The following EBF3 variants were observed in gnomAD, a reference collection of about 807,000 sequenced individuals.
EBF3 encodes the protein EBF transcription factor 3.
In EBF3, 18 loss-of-function variants were observed where a neutral mutation model predicts 77.1. That is an observed-to-expected ratio of 0.23 (90% confidence interval 0.16 to 0.35). The LOEUF (loss-of-function observed/expected upper bound fraction) is 0.35. EBF3 is among the 10% of genes least tolerant of loss of function. The pLI, the probability that EBF3 is intolerant of heterozygous loss-of-function variation, is 1.00. For synonymous variants in EBF3, 350 were observed against 343.5 expected, an observed-to-expected ratio of 1.02 and a Z score of -0.21; for missense variants, 558 against 860.0, an observed-to-expected ratio of 0.65 and a Z score of 4.39.
chr10:129,958,636 CT>C (rs1859220746), intron 5 of EBF3, among the ~76,000 whole-genome samples: 1 of 152,210 alleles, frequency 6.6e-6, no homozygotes, highest in South Asian at 2.1e-4. Context: ...TCCCTGACTC[CT>C]CCGGCACCGC....
At chr10:129,867,107 C>A in intron 10 of EBF3, 34 bp downstream of exon 10, 1 of 1,603,722 alleles carries the variant, frequency 6.2e-7, no homozygotes, top group South Asian at 1.1e-5. Flanking sequence ...AGGCCTCTAC[C>A]GCTTTCCCGC....
intron 10 of EBF3, among the ~76,000 whole-genome samples, chr10:129,865,497 G>A (rs1336326087): frequency 6.6e-6 from 1 of 152,164 alleles, no homozygotes; most frequent in Non-Finnish European, 1.5e-5. Context: ...CAGCTCCTGA[G>A]CGCCTGGTCC....
chr10:129,881,371 T>C (rs193095744), intron 6 of EBF3, among the ~76,000 whole-genome samples: 1 of 152,298 alleles, frequency 6.6e-6, no homozygotes, highest in East Asian at 1.9e-4. Flanking sequence ...TAAAGAGTCA[T>C]CATCTTTCAC....
At chr10:129,846,140 G>C (rs1008870881) in intron 11 of EBF3, among the ~76,000 whole-genome samples, 1 of 136,098 alleles carries the variant, frequency 7.3e-6, no homozygotes, top group African/African-American at 3.0e-5. Flanking sequence ...GTGTGTGTGT[G>C]TGTGTGTAAA....
intron 6 of EBF3, among the ~76,000 whole-genome samples, chr10:129,880,730 G>A (rs1853146416): frequency 6.6e-6 from 1 of 152,306 alleles, no homozygotes; most frequent in East Asian, 1.9e-4. Flanking sequence ...CAGGTTCTTG[G>A]GGCATCTACA....
intron 6 of EBF3, among the ~76,000 whole-genome samples, chr10:129,933,672 C>T (rs1262024181): frequency 1.3e-5 from 2 of 152,206 alleles, no homozygotes; most frequent in Non-Finnish European, 2.9e-5. Context: ...AGGCCCCATA[C>T]CAACCTTCAC....
At chr10:129,949,232 C>T (rs1315889972) in intron 6 of EBF3, among the ~76,000 whole-genome samples, 7 of 152,138 alleles carry the variant, frequency 4.6e-5, no homozygotes, top group East Asian at 1.9e-4. Flanking sequence ...ACCCGGGAAG[C>T]GGAGGTTGCG....
chr10:129,907,531 A>C (rs1430582237), intron 6 of EBF3, among the ~76,000 whole-genome samples: 1 of 152,194 alleles, frequency 6.6e-6, no homozygotes, highest in Non-Finnish European at 1.5e-5. Flanking sequence ...CTCAGAAGGA[A>C]ATGTGAGGTG....
intron 6 of EBF3, among the ~76,000 whole-genome samples, chr10:129,883,029 A>T (rs1853316892): frequency 6.6e-6 from 1 of 152,224 alleles, no homozygotes; most frequent in African/African-American, 2.4e-5. Context: ...GGAAACTTTG[A>T]ACTGTTCTAA....
intron 6 of EBF3, among the ~76,000 whole-genome samples, chr10:129,933,130 A>C (rs181416357): frequency 1.5e-4 from 23 of 152,286 alleles, no homozygotes; most frequent in African/African-American, 5.5e-4. Context: ...GACGTGGAGG[A>C]GGGTCAGTCC....
chr10:129,927,210 C>T (rs1312723775), intron 6 of EBF3, among the ~76,000 whole-genome samples: 1 of 152,216 alleles, frequency 6.6e-6, no homozygotes, highest in African/African-American at 2.4e-5. Flanking sequence ...CTCAGCTGCA[C>T]AAACCAGCAC....
chr10:129,888,827 C>T (rs901025882), intron 6 of EBF3, among the ~76,000 whole-genome samples: 1 of 152,046 alleles, frequency 6.6e-6, no homozygotes, highest in African/African-American at 2.4e-5. Flanking sequence ...ATTAAGTATG[C>T]AAGAGAAAAT....
At chr10:129,871,512 G>A (rs1266971971) in intron 8 of EBF3, among the ~76,000 whole-genome samples, 2 of 152,148 alleles carry the variant, frequency 1.3e-5, no homozygotes. Flanking sequence ...CAGATCTGCG[G>A]TTTTGGGGGG....
Position 129,861,569 on chromosome 10 carries a change from G to A in EBF3, c.1039+5572C>T, listed in dbSNP as rs1851641209. Among the ~76,000 whole-genome samples, 1 of 148,650 alleles carries A rather than the reference G, an allele frequency of 6.7e-6. No homozygotes were observed. Among genetic ancestry groups the A allele is most frequent in the African/African-American group, 2.5e-5 (1 of 40,618 alleles). On this transcript the variant is annotated intron_variant, in intron 10 of 16. Transcript: ENST00000440978. The surrounding 1 kb of genome is among the most constrained non-coding windows in gnomAD (Gnocchi z 4.3). Reference sequence around the variant, plus strand: ...CTTGGGGGGTTCACTGGGGATCATGGGGGGGACACAGACATCCTTGGACAC... The same window carrying A: ...CTTGGGGGGTTCACTGGGGATCATGAGGGGGACACAGACATCCTTGGACAC...
chr10:129,960,719 C>T (rs1483746141), intron 4 of EBF3, among the ~76,000 whole-genome samples: 1 of 147,338 alleles, frequency 6.8e-6, no homozygotes, highest in African/African-American at 2.5e-5. Flanking sequence ...TGCAAAGGTA[C>T]AAGGCTAAAT....
At chr10:129,913,890 G>A (rs1028118505) in intron 6 of EBF3, among the ~76,000 whole-genome samples, 7 of 152,256 alleles carry the variant, frequency 4.6e-5, no homozygotes, top group Non-Finnish European at 7.3e-5. Flanking sequence ...TAAGCTGAGT[G>A]TATCCAGCCA....
At chr10:129,920,440 T>C (rs1856213291) in intron 6 of EBF3, among the ~76,000 whole-genome samples, 1 of 152,194 alleles carries the variant, frequency 6.6e-6, no homozygotes, top group Non-Finnish European at 1.5e-5. Context: ...AGGAAGGGGC[T>C]GTCTCCTGCA....
At chr10:129,874,016 A>G (rs1389614923) in intron 7 of EBF3, among the ~76,000 whole-genome samples, 1 of 152,216 alleles carries the variant, frequency 6.6e-6, no homozygotes, top group Non-Finnish European at 1.5e-5. Context: ...CCTCCCTTGA[A>G]GAGCTGGGAG....
At chr10:129,859,970 C>T (rs903068460) in intron 10 of EBF3, among the ~76,000 whole-genome samples, 1 of 152,222 alleles carries the variant, frequency 6.6e-6, no homozygotes, top group Non-Finnish European at 1.5e-5. Context: ...GTTTCAGGTC[C>T]TCTACCGACA....
Sources: allele counts gnomAD v4.1 joint callset (sites outside exome capture counted in the v4.1 genomes callset), GRCh38; gene constraint gnomAD v4.1.1; non-coding constraint Gnocchi (gnomAD v3.1); transcripts MANE v1.5; gene names NCBI Gene and HGNC (gene_info 2026-07-23, HGNC 2026-07-21).